Variants in TSPAN5 observed in about 807,000 individuals in gnomAD.
The protein encoded by TSPAN5 is tetraspanin 5.
In TSPAN5, 10 loss-of-function variants were observed where a neutral mutation model predicts 37.1. The ratio of observed to expected loss-of-function variants is 0.27; its 90% CI spans 0.17 to 0.46. TSPAN5 has a LOEUF of 0.46. Among genes scored for constraint, TSPAN5 ranks in the 20% least tolerant of loss-of-function variants. TSPAN5 has a pLI of 1.00. For synonymous variants in TSPAN5, 110 were observed against 118.9 expected (o/e 0.93, Z 0.48); for missense variants, 195 against 326.6 (o/e 0.60, Z 3.11).
intron 1 of TSPAN5, among the ~76,000 whole-genome samples, chr4:98,518,592 G>A (rs1011122609): frequency 1.3e-5 from 2 of 152,202 alleles, no homozygotes; most frequent in Admixed American, 6.5e-5. Flanking sequence ...CTCCTGTAGA[G>A]GCAACAGCTT....
At chr4:98,488,581 C>G (rs1379423440) in intron 2 of TSPAN5, among the ~76,000 whole-genome samples, 3 of 152,212 alleles carry the variant, frequency 2.0e-5, no homozygotes, top group Non-Finnish European at 2.9e-5. Flanking sequence ...CAACCACACC[C>G]TTCACAAGTC....
rs755301664 is a variant in TSPAN5 at position 98,658,194 on chromosome 4, G to A, written c.33C>T (p.Val11=). Reference sequence around the variant, plus strand: ...ATATGAAGTATTTGATGCAACAACTGACTTCAGGACCCTTGTAGTGCTTCC... The same window carrying A: ...ATATGAAGTATTTGATGCAACAACTAACTTCAGGACCCTTGTAGTGCTTCC... MSGKHYKGPE[V]SCCIKYFIFG... Residue 11 remains valine (V), a synonymous_variant, in exon 1 of 8, where the codon GTC becomes GTT. Coordinates refer to ENST00000305798, the MANE Select transcript of TSPAN5 (RefSeq NM_005723.4). The A allele has an allele frequency of 3.1e-6, 5 of 1,614,164 alleles. No individual in the cohort carries two copies. Among genetic ancestry groups the A allele is most frequent in the Middle Eastern group, 1.6e-4 (1 of 6,062 alleles).
intron 1 of TSPAN5, among the ~76,000 whole-genome samples, chr4:98,621,156 C>T (rs942941504): frequency 3.3e-5 from 5 of 152,034 alleles, no homozygotes; most frequent in Non-Finnish European, 7.3e-5. Context: ...TTATACACCA[C>T]GGAATGACAA....
intron 1 of TSPAN5, among the ~76,000 whole-genome samples, chr4:98,604,296 G>C (rs1301116830): frequency 6.6e-6 from 1 of 152,136 alleles, no homozygotes; most frequent in East Asian, 1.9e-4. Context: ...AAAAAGGGGT[G>C]GTTATTTTAG....
intron 1 of TSPAN5, among the ~76,000 whole-genome samples, chr4:98,589,366 T>G (rs1173904411): frequency 2.6e-5 from 4 of 152,206 alleles, no homozygotes; most frequent in African/African-American, 9.7e-5. Flanking sequence ...CAGATGTCAG[T>G]GCTTAACAGC....
chr4:98,554,333 C>G, intron 1 of TSPAN5, among the ~76,000 whole-genome samples: 1 of 152,148 alleles, frequency 6.6e-6, no homozygotes, highest in Non-Finnish European at 1.5e-5. Flanking sequence ...TATTTGAAAA[C>G]ATGAACCTAC....
chr4:98,608,369 C>A (rs902818417), intron 1 of TSPAN5, among the ~76,000 whole-genome samples: 1 of 152,200 alleles, frequency 6.6e-6, no homozygotes, highest in African/African-American at 2.4e-5. Context: ...CATTCACAGA[C>A]CCCTGGCCCC....
At chr4:98,617,852 A>C (rs1756375594) in intron 1 of TSPAN5, among the ~76,000 whole-genome samples, 1 of 152,196 alleles carries the variant, frequency 6.6e-6, no homozygotes, top group African/African-American at 2.4e-5. Context: ...CTGGCACTTA[A>C]GCCTGTATCC....
chr4:98,635,391 C>T (rs1259073463), intron 1 of TSPAN5, among the ~76,000 whole-genome samples: 2 of 152,038 alleles, frequency 1.3e-5, no homozygotes, highest in Admixed American at 6.5e-5. Context: ...AGGTACTATC[C>T]CAACAATGAA....
intron 1 of TSPAN5, among the ~76,000 whole-genome samples, chr4:98,524,367 A>G (rs1753916376): frequency 6.6e-6 from 1 of 152,178 alleles, no homozygotes; most frequent in Non-Finnish European, 1.5e-5. Flanking sequence ...TGCTTATGAA[A>G]AATAAGCTGG....
chr4:98,647,646 A>C (rs1757097558), intron 1 of TSPAN5, among the ~76,000 whole-genome samples: 1 of 152,230 alleles, frequency 6.6e-6, no homozygotes, highest in South Asian at 2.1e-4. Flanking sequence ...CTTCCAATGA[A>C]GAGAGCCAAA....
chr4:98,583,491 C>A (rs1253339268), intron 1 of TSPAN5, among the ~76,000 whole-genome samples: 1 of 152,130 alleles, frequency 6.6e-6, no homozygotes, highest in Non-Finnish European at 1.5e-5. Flanking sequence ...TAACGCCCAG[C>A]CTTTCTTATA....
chr4:98,546,904 T>C (rs1754483748), intron 1 of TSPAN5, among the ~76,000 whole-genome samples: 2 of 152,096 alleles, frequency 1.3e-5, no homozygotes, highest in African/African-American at 2.4e-5. Context: ...AATTCAAAAC[T>C]GAAAAGGGTG....
chr4:98,571,067 T>C (rs1332666313), intron 1 of TSPAN5, among the ~76,000 whole-genome samples: 1 of 152,004 alleles, frequency 6.6e-6, no homozygotes, highest in Non-Finnish European at 1.5e-5. Flanking sequence ...CAGAGGTCAA[T>C]GGACCACTTG....
intron 1 of TSPAN5, among the ~76,000 whole-genome samples, chr4:98,649,913 T>C (rs1018457269): frequency 6.6e-6 from 1 of 152,130 alleles, no homozygotes; most frequent in Non-Finnish European, 1.5e-5. Context: ...CAAAGAACAA[T>C]CTGGAAACAG....
chr4:98,554,350 C>T (rs1754690765), intron 1 of TSPAN5, among the ~76,000 whole-genome samples: 1 of 152,074 alleles, frequency 6.6e-6, no homozygotes, highest in Admixed American at 6.5e-5. Flanking sequence ...CTACTGATTC[C>T]AAAGCCCTGC....
In TSPAN5 at chr4:98,658,548, G is replaced by C. The variant is rs1425083469; in HGVS notation, c.-322C>G. 6.7e-5 allele frequency: 12 copies of C among 177,892 alleles called. No individual in the cohort carries two copies. Among genetic ancestry groups the C allele is most frequent in the Non-Finnish European group, 1.4e-4 (12 of 85,448 alleles). The allele number at this position is 177,892 out of a possible 1,614,324, so 11.0% of individuals were successfully genotyped here. ...CCGTGCGCCAGGCGGTCGGTCCGTCGGTTCGTCCCCGGGCTTCGGGCAAAG... is the reference window on the plus strand; with the variant it reads ...CCGTGCGCCAGGCGGTCGGTCCGTCCGTTCGTCCCCGGGCTTCGGGCAAAG... On this transcript the variant is annotated 5_prime_UTR_variant, in exon 1 of 8. Transcript: ENST00000305798.
At chr4:98,626,919 G>C (rs879534094) in intron 1 of TSPAN5, among the ~76,000 whole-genome samples, 1 of 24,482 alleles carries the variant, frequency 4.1e-5, no homozygotes, top group Non-Finnish European at 7.9e-5. Flanking sequence ...GGTCTGCTTT[G>C]TTCTTAAATG....
intron 1 of TSPAN5, among the ~76,000 whole-genome samples, chr4:98,651,706 T>C (rs1757188460): frequency 6.6e-6 from 1 of 152,122 alleles, no homozygotes; most frequent in African/African-American, 2.4e-5. Flanking sequence ...AACATCTAGT[T>C]TGAACAGATG....
Sources: allele counts gnomAD v4.1 joint callset (sites outside exome capture counted in the v4.1 genomes callset), GRCh38; gene constraint gnomAD v4.1.1; transcripts MANE v1.5; gene names NCBI Gene and HGNC (gene_info 2026-07-23, HGNC 2026-07-21).